The following MATR3 variants were observed in gnomAD, a reference collection of about 807,000 sequenced individuals.
MATR3 encodes matrin 3.
In MATR3, 4 loss-of-function variants were observed where a neutral mutation model predicts 85.5. The observed-to-expected ratio is 0.05, with a 90% CI of 0.02 to 0.11. MATR3 has a LOEUF of 0.11. Among genes scored for constraint, MATR3 ranks in the 10% least tolerant of loss-of-function variants. The pLI is 1.00. For synonymous variants in MATR3, 336 were observed against 343.1 expected (o/e 0.98, Z 0.23); for missense variants, 685 against 1,016.1 (o/e 0.67, Z 4.43).
chr5:139,316,229 G>A (rs772700567), intron 5 of MATR3, 41 bp downstream of exon 5: 47 of 1,471,136 alleles, frequency 3.2e-5, no homozygotes, highest in Non-Finnish European at 4.1e-5. Context: ...CTACAGAGCC[G>A]TTACTGAAAA....
Position 139,329,353 on chromosome 5 carries a change from G to A in MATR3, c.2502G>A (p.Leu834=). 1 of 1,611,260 alleles carries A rather than the reference G, an allele frequency of 6.2e-7. No individual in the cohort carries two copies. The highest frequency in any genetic ancestry group is 8.5e-7 in the Non-Finnish European group (1 of 1,177,850). The part of the protein sequence containing the change: ...LPHYQKLKKF[L]NKLAEERRQK... ...ATTCTCTTTCTTTATAGAAATTTCT[G>A]AATAAATTGGCAGAAGAACGCAGAC... Residue 834 remains leucine, a synonymous_variant, in exon 15 of 15, where the codon CTG becomes CTA. Transcript: ENST00000394805.
At chr5:139,325,037 A>G (rs1755774362) in intron 12 of MATR3, among the ~76,000 whole-genome samples, 1 of 151,866 alleles carries the variant, frequency 6.6e-6, no homozygotes, top group Non-Finnish European at 1.5e-5. Flanking sequence ...TAAAATTACA[A>G]AAAAAATTAG....
intron 1 of MATR3, among the ~76,000 whole-genome samples, chr5:139,302,744 T>G (rs1754515917): frequency 1.3e-5 from 2 of 152,326 alleles, no homozygotes; most frequent in South Asian, 4.1e-4. Flanking sequence ...GTTAAGACAT[T>G]TTTACTAAAT....
Position 139,330,789 on chromosome 5 carries a change from G to A in MATR3, c.*1394G>A, listed in dbSNP as rs572983701. On this transcript the variant is annotated 3_prime_UTR_variant, in exon 15 of 15. Transcript: ENST00000394805. ...AGACTCTTGGTATATTGGATTATCT[G>A]TTGTAAACAATTTTTTTTTCTTCCC... 7.4e-4 allele frequency: 338 copies of A among 454,086 alleles called. 2 individuals are homozygous for A. The highest frequency in any genetic ancestry group is 6.3e-3 in the African/African-American group (318 of 50,114). The allele number at this position is 454,086 out of a possible 1,614,324, so 28.1% of individuals were successfully genotyped here. A position where few individuals can be genotyped will look rare whatever the true frequency, so the allele number is the denominator to read the frequency against.
chr5:139,276,639 T>G (rs1753286065), intron 2 of MATR3, among the ~76,000 whole-genome samples: 1 of 152,158 alleles, frequency 6.6e-6, no homozygotes, highest in South Asian at 2.1e-4. Flanking sequence ...AATCATACCT[T>G]GGAAACAGAA....
intron 12 of MATR3, among the ~76,000 whole-genome samples, chr5:139,323,204 G>A (rs1049868152): frequency 2.6e-5 from 4 of 151,636 alleles, no homozygotes; most frequent in Admixed American, 1.3e-4. Context: ...TAAAAATGAG[G>A]GAGAAAGACT....
chr5:139,297,275 T>G (rs1273462903), intron 1 of MATR3, among the ~76,000 whole-genome samples: 2 of 152,214 alleles, frequency 1.3e-5, no homozygotes, highest in African/African-American at 4.8e-5. Context: ...GAGTGTAGTT[T>G]TGCCATTTTC....
chr5:139,316,089 A>C lies in MATR3; in HGVS notation c.1030A>C (p.Met344Leu). The C allele has an allele frequency of 6.2e-7, 1 of 1,611,402 alleles. No individual in the cohort carries two copies. The highest frequency in any genetic ancestry group is 1.8e-4 in the Middle Eastern group (1 of 5,672). Residue 344 changes from methionine (M) to leucine (L), a missense_variant, in exon 5 of 15, where the codon ATG becomes CTG. By Grantham distance (15) the Met-to-Leu change is conservative. This residue lies in a region of MATR3 where 223 missense variants were observed against 334.4 expected (regional missense o/e 0.67). Coordinates refer to ENST00000394805, the MANE Select transcript of MATR3 (RefSeq NM_018834.6). The part of the protein sequence containing the change: ...DTGHTMGDPF[M>L]LQQSTNPAPG... The stretch of plus-strand genomic sequence containing the variant: ...TCACTTTACTAGGGGTGATCCATTC[A>C]TGTTGCAGCAGTCTACAAATCCAGC...
At chr5:139,326,714 C>T (rs946543672) in intron 14 of MATR3, among the ~76,000 whole-genome samples, 6 of 152,128 alleles carry the variant, frequency 3.9e-5, no homozygotes, top group Non-Finnish European at 8.8e-5. Context: ...CATGAGCCAC[C>T]GCGCCTGGCC....
At chr5:139,280,902 T>C (rs1396278944) in intron 3 of MATR3, among the ~76,000 whole-genome samples, 1 of 152,176 alleles carries the variant, frequency 6.6e-6, no homozygotes, top group Non-Finnish European at 1.5e-5. Flanking sequence ...ATTTAAATAA[T>C]TTGATGGGAT....
chr5:139,300,774 C>G (rs1247156639), intron 1 of MATR3, among the ~76,000 whole-genome samples: 2 of 152,224 alleles, frequency 1.3e-5, no homozygotes, highest in Non-Finnish European at 2.9e-5. Context: ...TCCCCAGTAG[C>G]TGGGATTACA....
intron 1 of MATR3, among the ~76,000 whole-genome samples, chr5:139,304,350 A>C (rs1561931174): frequency 1.3e-5 from 2 of 152,060 alleles, no homozygotes; most frequent in African/African-American, 2.4e-5. Flanking sequence ...AAAATACAAA[A>C]TTAGCTGGAA....
chr5:139,293,740 G>C lies in MATR3; in HGVS notation c.-243G>C. On this transcript the variant is annotated 5_prime_UTR_variant, in exon 1 of 15. Transcript: ENST00000394805. ...CAGCGCCGTTGCTGCGGGGGATTGTGGGAGTCTCCGCGTCCCGCTCGCTGG... is the reference window on the plus strand; with the variant it reads ...CAGCGCCGTTGCTGCGGGGGATTGTCGGAGTCTCCGCGTCCCGCTCGCTGG... 1 of 372,466 alleles carries C rather than the reference G, an allele frequency of 2.7e-6. No homozygotes were observed. The highest frequency in any genetic ancestry group is 4.8e-6 in the Non-Finnish European group (1 of 209,682). The allele number at this position is 372,466 out of a possible 1,614,324, so 23.1% of individuals were successfully genotyped here.
Position 139,330,067 on chromosome 5 carries a change from G to A in MATR3, c.*672G>A, listed in dbSNP as rs7305. The A allele has an allele frequency of 0.6, 270,687 of 454,104 alleles. 86,238 individuals are homozygous for A. The highest frequency in any genetic ancestry group is 0.69 in the Non-Finnish European group (156,100 of 226,684). 28.1% of individuals were successfully genotyped at this position (454,104 alleles called of 1,614,324 possible). On this transcript the variant is annotated 3_prime_UTR_variant, in exon 15 of 15. Coordinates refer to ENST00000394805, the MANE Select transcript of MATR3 (RefSeq NM_018834.6). Reference sequence around the variant, plus strand: ...TTCAGTGAAATGCAAAAATATTCCCGTTATCTTTGACCAGTATTAATTTTT... The same window carrying A: ...TTCAGTGAAATGCAAAAATATTCCCATTATCTTTGACCAGTATTAATTTTT...
At chr5:139,291,355 A>G (rs1470926559), upstream of MATR3, among the ~76,000 whole-genome samples, 1 of 152,242 alleles carries the variant, frequency 6.6e-6, no homozygotes, top group Non-Finnish European at 1.5e-5. Context: ...TGTAAGCTCC[A>G]TGAGGGCAGT....
chr5:139,317,278 T>G (rs1755299867), intron 6 of MATR3, among the ~76,000 whole-genome samples, 173 bp downstream of exon 6: 1 of 152,244 alleles, frequency 6.6e-6, no homozygotes, highest in African/African-American at 2.4e-5. Context: ...AAATTTTGTA[T>G]GCCCATAGTC....
At chr5:139,293,399 TC>T (rs1291922956), upstream of MATR3, 1 of 152,354 alleles carries the variant, frequency 6.6e-6, no homozygotes, top group Non-Finnish European at 1.5e-5. Flanking sequence ...CCAGGGACTC[TC>T]GCGAATCCCT....
chr5:139,293,971 G>A (rs1753989735), intron 1 of MATR3, 166 bp downstream of exon 1: 1 of 1,262,502 alleles, frequency 7.9e-7, no homozygotes, highest in Admixed American at 3.9e-5. Context: ...CCGCCTGATC[G>A]GCGGCCGCCA....
intron 14 of MATR3, among the ~76,000 whole-genome samples, chr5:139,329,141 C>T (rs1342651173): frequency 6.6e-6 from 1 of 152,108 alleles, no homozygotes; most frequent in East Asian, 1.9e-4. Flanking sequence ...CCATTTTATA[C>T]CTTTTACCAT....
Sources: allele counts gnomAD v4.1 joint callset (sites outside exome capture counted in the v4.1 genomes callset), GRCh38; gene constraint gnomAD v4.1.1; regional missense constraint gnomAD v4.1.1; transcripts MANE v1.5; gene names NCBI Gene and HGNC (gene_info 2026-07-23, HGNC 2026-07-21).